The following FAM117A variants were observed in gnomAD, a reference collection of about 807,000 sequenced individuals.
FAM117A encodes the protein protein FAM117A.
Under a neutral mutation model 44.1 loss-of-function variants are expected in FAM117A, and 21 were observed. That is an observed-to-expected ratio of 0.48 (90% confidence interval 0.34 to 0.69). The LOEUF is 0.69. FAM117A is among the 30% of genes least tolerant of loss of function. The pLI is 0.01. For synonymous variants in FAM117A, 220 were observed against 238.3 expected, an observed-to-expected ratio of 0.92 and a Z score of 0.71; for missense variants, 498 against 589.9, an observed-to-expected ratio of 0.84 and a Z score of 1.61.
rs777153106 is a variant in FAM117A, at chr17:49,719,777, C to T, written c.691G>A (p.Glu231Lys). Residue 231 changes from glutamate to lysine, a missense_variant, in exon 5 of 8, where the codon GAA (glutamate) becomes AAA (lysine). Coordinates refer to ENST00000240364, the MANE Select transcript of FAM117A (RefSeq NM_030802.4). ...LEEVFVKEQG[E>K]EELLRILDIP... ...CCACTCACCCTCAGCAGCTCCTCTT[C>T]TCCCTGCTCCTTCACAAATACCTCC... 6.3e-7 allele frequency: 1 copy of T among 1,591,402 alleles called. No individual in the cohort carries two copies. The highest frequency in any genetic ancestry group is 1.8e-5 in the Admixed American group (1 of 55,232).
intron 2 of FAM117A, among the ~76,000 whole-genome samples, chr17:49,727,849 G>T (rs1294223453): frequency 6.6e-6 from 1 of 152,254 alleles, no homozygotes; most frequent in Admixed American, 6.5e-5. Context: ...GTGGAGCTGG[G>T]CTAGGCCCTG....
intron 2 of FAM117A, among the ~76,000 whole-genome samples, chr17:49,730,112 A>C (rs1424515667): frequency 6.6e-6 from 1 of 152,246 alleles, no homozygotes; most frequent in African/African-American, 2.4e-5. Context: ...GCAAATTCCC[A>C]GAAGACCAGG....
chr17:49,734,707 G>T (rs1379855104), intron 1 of FAM117A, among the ~76,000 whole-genome samples: 1 of 152,144 alleles, frequency 6.6e-6, no homozygotes, highest in Non-Finnish European at 1.5e-5. Context: ...TCCACTCCTA[G>T]GTATATACCA....
chr17:49,764,571 T>G (rs1011938537), upstream of FAM117A, among the ~76,000 whole-genome samples: 1 of 152,186 alleles, frequency 6.6e-6, no homozygotes, highest in African/African-American at 2.4e-5. Flanking sequence ...AGTGTCAAAC[T>G]TTACACAGTT....
chr17:49,720,315 A>T lies in FAM117A; in HGVS notation c.573+11T>A. ...AGAACAGAGGGGAGAGGGCTGGGGG[A>T]GAAAACATACCCTCAGTGCTCCCCG... On this transcript the variant is annotated intron_variant, in intron 4 of 7. Coordinates refer to ENST00000240364, the MANE Select transcript of FAM117A (RefSeq NM_030802.4). 6.2e-7 allele frequency: 1 copy of T among 1,604,556 alleles called. No homozygotes were observed.
chr17:49,711,707 ATCTC>A (rs1206103691), intron 7 of FAM117A, 152 bp from the exon 8 acceptor site: 5 of 664,612 alleles, frequency 7.5e-6, no homozygotes, highest in African/African-American at 1.9e-5. Context: ...CAAGCCCCTC[ATCTC>A]TCTATTTTTA....
At chr17:49,788,184 G>A (rs1348900669) in intron 1 of FAM117A, among the ~76,000 whole-genome samples, 1 of 152,170 alleles carries the variant, frequency 6.6e-6, no homozygotes, top group Non-Finnish European at 1.5e-5. Flanking sequence ...CTATCCGTTA[G>A]TTCCTTTTTC....
chr17:49,723,868 G>T (rs576725776), intron 2 of FAM117A, among the ~76,000 whole-genome samples: 1 of 152,124 alleles, frequency 6.6e-6, no homozygotes, highest in African/African-American at 2.4e-5. Flanking sequence ...CATAGCCAGG[G>T]TGAGACAACT....
intron 1 of FAM117A, 146 bp from the exon 2 acceptor site, chr17:49,732,866 A>C: frequency 1.2e-6 from 1 of 819,246 alleles, no homozygotes; most frequent in Non-Finnish European, 1.9e-6. Context: ...AAGCAGCCTG[A>C]AACAGCACAT....
intron 1 of FAM117A, among the ~76,000 whole-genome samples, chr17:49,772,613 G>A (rs1282768677): frequency 6.6e-6 from 1 of 151,878 alleles, no homozygotes; most frequent in Non-Finnish European, 1.5e-5. Flanking sequence ...TTAGCCGGGT[G>A]TGGTGGTGGG....
intron 3 of FAM117A, 34 bp from the exon 4 acceptor site, chr17:49,720,470 T>C: frequency 1.3e-6 from 2 of 1,587,884 alleles, no homozygotes; most frequent in Non-Finnish European, 1.7e-6. Flanking sequence ...CAGAGGCAGA[T>C]TAAGGAAAGC....
chr17:49,730,686 G>A (rs1759114666), intron 2 of FAM117A, among the ~76,000 whole-genome samples: 1 of 152,196 alleles, frequency 6.6e-6, no homozygotes, highest in African/African-American at 2.4e-5. Context: ...AGTTATGTGT[G>A]CTCCCAGGCC....
At chr17:49,776,133 A>T (rs1249078611) in intron 1 of FAM117A, among the ~76,000 whole-genome samples, 1 of 152,224 alleles carries the variant, frequency 6.6e-6, no homozygotes, top group African/African-American at 2.4e-5. Context: ...GCTTCACAGC[A>T]CAGAAGAATG....
In FAM117A at chr17:49,711,510, C is replaced by T. The variant is rs779249249; in HGVS notation, c.1107G>A (p.Lys369=). 6.2e-7 allele frequency: 1 copy of T among 1,613,938 alleles called. No homozygotes were observed. The highest frequency in any genetic ancestry group is 2.2e-5 in the East Asian group (1 of 44,880). Residue 369 remains lysine (K), a synonymous_variant, in exon 8 of 8, where the codon AAG becomes AAA. Transcript: ENST00000240364. ...CAGTCGGGTTGAAATGGACTTTGTTCTTGTCAGGACAGGAAGTCAGGAAGG... is the reference window on the plus strand; with the variant it reads ...CAGTCGGGTTGAAATGGACTTTGTTTTTGTCAGGACAGGAAGTCAGGAAGG... ...DLAFLTSCPD[K]NKVHFNPTGS...
intron 1 of FAM117A, among the ~76,000 whole-genome samples, chr17:49,769,763 T>G (rs2073755655): frequency 6.6e-6 from 1 of 152,008 alleles, no homozygotes; most frequent in Non-Finnish European, 1.5e-5. Flanking sequence ...TTGGACTTAA[T>G]GGTACTCTAA....
At chr17:49,783,204 A>G (rs1348036540) in intron 1 of FAM117A, among the ~76,000 whole-genome samples, 5 of 152,216 alleles carry the variant, frequency 3.3e-5, no homozygotes, top group East Asian at 1.9e-4. Context: ...CCATAACAAC[A>G]TCTTGTAACT....
chr17:49,766,798 A>G (rs780232090), upstream of FAM117A, among the ~76,000 whole-genome samples: 3 of 152,162 alleles, frequency 2.0e-5, no homozygotes, highest in Non-Finnish European at 4.4e-5. Context: ...TGCTCCATCA[A>G]CCTCACAGAC....
At chr17:49,754,694 C>A (rs1384134785) in intron 1 of FAM117A, among the ~76,000 whole-genome samples, 3 of 152,092 alleles carry the variant, frequency 2.0e-5, no homozygotes, top group Non-Finnish European at 4.4e-5. Context: ...GCCTATGCTC[C>A]CAATCACATT....
intron 1 of FAM117A, among the ~76,000 whole-genome samples, chr17:49,772,711 C>T (rs1223105363): frequency 6.6e-6 from 1 of 151,716 alleles, no homozygotes; most frequent in Non-Finnish European, 1.5e-5. Flanking sequence ...GAGATCATGC[C>T]ACTGCACTCC....
Sources: allele counts gnomAD v4.1 joint callset (sites outside exome capture counted in the v4.1 genomes callset), GRCh38; gene constraint gnomAD v4.1.1; transcripts MANE v1.5; gene names NCBI Gene and HGNC (gene_info 2026-07-23, HGNC 2026-07-21).